The following PCDHGC4 variants were observed in gnomAD, a reference collection of about 807,000 sequenced individuals.
PCDHGC4 encodes protocadherin gamma-C4.
Under a neutral mutation model 59.7 loss-of-function variants are expected in PCDHGC4, and 15 were observed. The ratio of observed to expected loss-of-function variants is 0.25; its 90% CI spans 0.17 to 0.39. The LOEUF (loss-of-function observed/expected upper bound fraction) is 0.39, where lower values mean the gene tolerates loss of function less well. Among genes scored for constraint, PCDHGC4 ranks in the 10% least tolerant of loss-of-function variants. PCDHGC4 has a pLI of 1.00. For synonymous variants in PCDHGC4, 434 were observed against 481.4 expected, an observed-to-expected ratio of 0.90 and a Z score of 1.29; for missense variants, 1,016 against 1,189.5, an observed-to-expected ratio of 0.85 and a Z score of 2.15.
At chr5:141,509,319 G>A (rs1427191152) in intron 3 of PCDHGC4, among the ~76,000 whole-genome samples, 3 of 152,216 alleles carry the variant, frequency 2.0e-5, no homozygotes, top group African/African-American at 4.8e-5. Context: ...TGGGAGAGAA[G>A]CTCTACTGCC....
At position 141,486,905 on chromosome 5, in the gene PCDHGC4, C is replaced by G. The variant is rs1463391292; in HGVS notation, c.1732C>G (p.Gln578Glu). Residue 578 changes from glutamine to glutamate, a missense_variant, in exon 1 of 4, where the codon CAA (glutamine) becomes GAA (glutamate). Coordinates refer to ENST00000306593, the MANE Select transcript of PCDHGC4 (RefSeq NM_018928.3). This position sits in a 1 kb window ranked among gnomAD's most constrained non-coding sequence, Gnocchi z 5.0. ...GGCCCGGCCTGGTTCCTTATGTCCC[C>G]AAGCACTGCCTCCATCAGTTGGTGC... ...PRARPGSLCP[Q>E]ALPPSVGAGH... is the part of the protein sequence containing the mutation. 1 of 1,614,250 alleles carries G rather than the reference C, an allele frequency of 6.2e-7. No individual in the cohort carries two copies. The highest frequency in any genetic ancestry group is 1.3e-5 in the African/African-American group (1 of 75,066).
At chr5:141,503,598 CAAAAAAAAAAAA>C (rs765754054) in intron 2 of PCDHGC4, among the ~76,000 whole-genome samples, 11 of 65,762 alleles carry the variant, frequency 1.7e-4, no homozygotes, top group Admixed American at 3.4e-4. Context: ...GACTCCAGCT[CAAAAAAAAAAAA>C]AAAAGAAAAA....
chr5:141,491,434 A>T lies in PCDHGC4; in HGVS notation c.2443-3373A>T. 6.2e-7 allele frequency: 1 copy of T among 1,614,032 alleles called. No homozygotes were observed. Among genetic ancestry groups the T allele is most frequent in the Non-Finnish European group, 8.5e-7 (1 of 1,179,988 alleles). On this transcript the variant is annotated intron_variant, in intron 1 of 3. Transcript: ENST00000306593. The surrounding 1 kb of genome is among the most constrained non-coding windows in gnomAD (Gnocchi z 6.9). ...GGACGGGGGTGGAGGGCAGTGCTGC[A>T]GGCGCCAGGACTCACCCTCCCCGGA...
chr5:141,509,068 G>T (rs1267011061), intron 3 of PCDHGC4, among the ~76,000 whole-genome samples: 1 of 152,144 alleles, frequency 6.6e-6, no homozygotes, highest in Non-Finnish European at 1.5e-5. Context: ...TCTCAGCTCC[G>T]GGGATTTGCG....
chr5:141,491,980 C>T lies in PCDHGC4; in HGVS notation c.2443-2827C>T. ...AAAAAAGGCCGGGGCCTCCTTCGAG[C>T]TTCCGGTGAATTTCGGGCGATTTCC... On this transcript the variant is annotated intron_variant, in intron 1 of 3. Transcript: ENST00000306593. The surrounding 1 kb of genome is among the most constrained non-coding windows in gnomAD (Gnocchi z 6.9). The T allele has an allele frequency of 2.5e-6, 2 of 784,432 alleles. No individual in the cohort carries two copies. The highest frequency in any genetic ancestry group is 3.8e-6 in the Non-Finnish European group (2 of 530,588). 48.6% of individuals were successfully genotyped at this position (784,432 alleles called of 1,614,324 possible). A position where few individuals can be genotyped will look rare whatever the true frequency, so the allele number is the denominator to read the frequency against.
At position 141,487,215 on chromosome 5, in the gene PCDHGC4, C is replaced by G. The variant is rs1248989099; in HGVS notation, c.2042C>G (p.Ala681Gly). 4 of 1,613,850 alleles carry G rather than the reference C, an allele frequency of 2.5e-6. No homozygotes were observed. Among genetic ancestry groups the G allele is most frequent in the East Asian group, 4.5e-5 (2 of 44,882 alleles). ...PVVPDLRESS[A>G]PREGESRLTL... The stretch of plus-strand genomic sequence containing the variant: ...GTCCCAGATCTTCGAGAATCTTCAG[C>G]TCCAAGGGAAGGAGAATCTCGTCTA... The change falls in exon 1 of 4, where the codon GCT (alanine) becomes GGT (glycine). Residue 681 changes from alanine to glycine, a missense_variant. Coordinates refer to ENST00000306593, the MANE Select transcript of PCDHGC4 (RefSeq NM_018928.3). This position sits in a 1 kb window ranked among gnomAD's most constrained non-coding sequence, Gnocchi z 5.0.
At chr5:141,500,295 G>A (rs911106966) in intron 2 of PCDHGC4, among the ~76,000 whole-genome samples, 2 of 151,282 alleles carry the variant, frequency 1.3e-5, no homozygotes, top group African/African-American at 4.9e-5. Flanking sequence ...TGCAAGCTCC[G>A]CCTCCCAGGT....
At position 141,491,884 on chromosome 5, in the gene PCDHGC4, G is replaced by A. The variant is rs745931108; in HGVS notation, c.2443-2923G>A. The A allele has an allele frequency of 2.8e-6, 4 of 1,446,372 alleles. No homozygotes were observed. The highest frequency in any genetic ancestry group is 2.9e-5 in the Admixed American group (1 of 34,718). 89.6% of individuals were successfully genotyped at this position (1,446,372 alleles called of 1,614,324 possible). ...AACCAGAGTGGCCGATTAAGGGATG[G>A]GGCTCCGAGCACCGGGGGTGGTGGC... On this transcript the variant is annotated intron_variant, in intron 1 of 3. Coordinates refer to ENST00000306593, the MANE Select transcript of PCDHGC4 (RefSeq NM_018928.3). This position sits in a 1 kb window ranked among gnomAD's most constrained non-coding sequence, Gnocchi z 6.9.
Position 141,511,159 on chromosome 5 carries a change from AAGG to A in PCDHGC4, c.2806_2808del (p.Glu936del), listed in dbSNP as rs1477173987. 3 of 1,614,186 alleles carry A rather than the reference AAGG, an allele frequency of 1.9e-6. No individual in the cohort carries two copies. The highest frequency in any genetic ancestry group is 2.2e-5 in the East Asian group (1 of 44,872). On this transcript the variant is annotated inframe_deletion, in exon 4 of 4. Coordinates refer to ENST00000306593, the MANE Select transcript of PCDHGC4 (RefSeq NM_018928.3). ...TGGCAACAAGAAGAAGTCGGGCAAG[AAGG>A]AGAAGAAGTAACATGGAGGCCAGGC... is the stretch of plus-strand genomic sequence containing the variant.
Position 141,489,857 on chromosome 5 carries a change from C to T in PCDHGC4, c.2442+2242C>T. 2 of 1,614,166 alleles carry T rather than the reference C, an allele frequency of 1.2e-6. No individual in the cohort carries two copies. On this transcript the variant is annotated intron_variant, in intron 1 of 3. Coordinates refer to ENST00000306593, the MANE Select transcript of PCDHGC4 (RefSeq NM_018928.3). This position sits in a 1 kb window ranked among gnomAD's most constrained non-coding sequence, Gnocchi z 4.5. ...CAGCAGCTGGATCGTGAAGCCCAGGCAAGACATCAGCTGGTGCTTACTGCT... is the reference window on the plus strand; with the variant it reads ...CAGCAGCTGGATCGTGAAGCCCAGGTAAGACATCAGCTGGTGCTTACTGCT...
At chr5:141,488,021 C>A (rs570700985) in intron 1 of PCDHGC4, among the ~76,000 whole-genome samples, 1 of 152,244 alleles carries the variant, frequency 6.6e-6, no homozygotes, top group East Asian at 1.9e-4. Flanking sequence ...TACCTTAACT[C>A]TAGGTTACCA....
At chr5:141,507,017 C>CACTT (rs763489200) in intron 3 of PCDHGC4, 1 of 152,206 alleles carries the variant, frequency 6.6e-6, no homozygotes, top group Non-Finnish European at 1.5e-5. Flanking sequence ...ACCGAGAAGG[C>CACTT]ACTTGCCCCA....
rs1412764202 is a variant in PCDHGC4, at chr5:141,486,708, C to T, written c.1535C>T (p.Pro512Leu). The T allele has an allele frequency of 1.2e-6, 2 of 1,614,062 alleles. No individual in the cohort carries two copies. Among genetic ancestry groups the T allele is most frequent in the Non-Finnish European group, 1.7e-6 (2 of 1,180,054 alleles). ...GCTTCCTCTTTCATCTCTCTGAACC[C>T]CCAGACAGGAGCTGTTCATGCTACT... The part of the protein sequence containing the change: ...VSASSFISLN[P>L]QTGAVHATRS... Residue 512 changes from proline to leucine, a missense_variant, in exon 1 of 4, where the codon CCC becomes CTC. Coordinates refer to ENST00000306593, the MANE Select transcript of PCDHGC4 (RefSeq NM_018928.3). This position sits in a 1 kb window ranked among gnomAD's most constrained non-coding sequence, Gnocchi z 5.0.
Position 141,491,170 on chromosome 5 carries a change from G to A in PCDHGC4, c.2442+3555G>A. The stretch of plus-strand genomic sequence containing the variant: ...GGAGGATGACTCTGACACCCAGCAG[G>A]TGGTGGTCCTGGTGAGGGACAATGG... On this transcript the variant is annotated intron_variant, in intron 1 of 3. Coordinates refer to ENST00000306593, the MANE Select transcript of PCDHGC4 (RefSeq NM_018928.3). The surrounding 1 kb of genome is among the most constrained non-coding windows in gnomAD (Gnocchi z 6.9). 6.2e-7 allele frequency: 1 copy of A among 1,614,176 alleles called. No individual in the cohort carries two copies. Among genetic ancestry groups the A allele is most frequent in the Non-Finnish European group, 8.5e-7 (1 of 1,179,996 alleles).
At chr5:141,492,384 C>T (rs1001189412) in intron 1 of PCDHGC4, among the ~76,000 whole-genome samples, 1 of 152,230 alleles carries the variant, frequency 6.6e-6, no homozygotes, top group African/African-American at 2.4e-5. Context: ...AGGCCTGTTC[C>T]GGTCCACTCG....
Position 141,486,595 on chromosome 5 carries a change from T to G in PCDHGC4, c.1422T>G (p.Leu474=). ...AGAACAATCGCCCAGGGGACCTGCTTTGCTCCCTTGCAGCCTCTGACCCAG... is the reference window on the plus strand; with the variant it reads ...AGAACAATCGCCCAGGGGACCTGCTGTGCTCCCTTGCAGCCTCTGACCCAG... ...VPENNRPGDL[L]CSLAASDPDS... Residue 474 remains leucine, a synonymous_variant, in exon 1 of 4, where the codon CTT becomes CTG. Coordinates refer to ENST00000306593, the MANE Select transcript of PCDHGC4 (RefSeq NM_018928.3). This position sits in a 1 kb window ranked among gnomAD's most constrained non-coding sequence, Gnocchi z 5.0. The G allele has an allele frequency of 6.2e-7, 1 of 1,613,614 alleles. No homozygotes were observed. Among genetic ancestry groups the G allele is most frequent in the Non-Finnish European group, 8.5e-7 (1 of 1,180,016 alleles).
intron 1 of PCDHGC4, among the ~76,000 whole-genome samples, chr5:141,492,080 G>A (rs576661909): frequency 6.6e-6 from 1 of 152,352 alleles, no homozygotes; most frequent in African/African-American, 2.4e-5. Context: ...GCCGGCTCCG[G>A]CACGCTTCGC....
rs750401937 is a variant in PCDHGC4 at position 141,487,357 on chromosome 5, T to G, written c.2184T>G (p.Ala728=). 5.0e-6 allele frequency: 8 copies of G among 1,614,212 alleles called. No homozygotes were observed. The highest frequency in any genetic ancestry group is 6.8e-6 in the Non-Finnish European group (8 of 1,180,032). ...CCTGTGGAGTCACATGCTTTCCTGC[T>G]GGCACCTGTGCCTGTCTCACCAGAT... ...GAACGVTCFP[A]GTCACLTRSR... The change falls in exon 1 of 4, where the codon GCT becomes GCG. Residue 728 remains alanine, a synonymous_variant. Transcript: ENST00000306593. This position sits in a 1 kb window ranked among gnomAD's most constrained non-coding sequence, Gnocchi z 5.0.
chr5:141,491,742 C>T lies in PCDHGC4; in HGVS notation c.2443-3065C>T. On this transcript the variant is annotated intron_variant, in intron 1 of 3. Transcript: ENST00000306593. This position sits in a 1 kb window ranked among gnomAD's most constrained non-coding sequence, Gnocchi z 6.9. ...CGCCCCGGGCGACCCCTGGGGGCGG[C>T]ACTGGAGAAGCCGCCCGTCCTCATA... 6.3e-7 allele frequency: 1 copy of T among 1,596,114 alleles called. No individual in the cohort carries two copies. Among genetic ancestry groups the T allele is most frequent in the African/African-American group, 1.3e-5 (1 of 74,260 alleles).
Sources: gnomAD v4.1 joint callset for allele counts (sites outside exome capture counted in the v4.1 genomes callset) on GRCh38, gnomAD v4.1.1 for gene constraint, Gnocchi (gnomAD v3.1) non-coding constraint, MANE v1.5 for transcripts, NCBI Gene and HGNC (gene_info 2026-07-23, HGNC 2026-07-21) for gene names.